LINGO2: variants seen among roughly 807,000 people sequenced by gnomAD.
LINGO2 encodes leucine-rich repeat and immunoglobulin-like domain-containing nogo receptor-interacting protein 2.
In LINGO2, 14 loss-of-function variants were observed where a neutral mutation model predicts 30.6. That is an observed-to-expected ratio of 0.46 (90% CI 0.30 to 0.72). The LOEUF (loss-of-function observed/expected upper bound fraction) is 0.72, where lower values mean the gene tolerates loss of function less well. Among genes scored for constraint, LINGO2 ranks in the 30% least tolerant of loss-of-function variants. LINGO2 has a pLI of 0.07. For synonymous variants in LINGO2, 317 were observed against 288.5 expected (o/e 1.10, Z -1.00); for missense variants, 729 against 751.7 (o/e 0.97, Z 0.35).
chr9:28,023,196 T>C (rs1324802519), intron 4 of LINGO2, among the ~76,000 whole-genome samples: 2 of 152,162 alleles, frequency 1.3e-5, no homozygotes, highest in Non-Finnish European at 1.5e-5. Context: ...CTTCAGACTT[T>C]TTTCTTGTTT....
At chr9:28,252,830 A>G (rs1822252628) in intron 4 of LINGO2, among the ~76,000 whole-genome samples, 1 of 152,038 alleles carries the variant, frequency 6.6e-6, no homozygotes, top group South Asian at 2.1e-4. Context: ...GGTCTTCTGG[A>G]TTTAATTATG....
chr9:28,260,176 C>A (rs1305135687), intron 4 of LINGO2, among the ~76,000 whole-genome samples: 1 of 151,464 alleles, frequency 6.6e-6, no homozygotes, highest in African/African-American at 2.4e-5. Context: ...GTCAGTTGTC[C>A]TATGCATAAC....
At chr9:28,490,199 C>T (rs1447954318) in intron 1 of LINGO2, among the ~76,000 whole-genome samples, 2 of 152,086 alleles carry the variant, frequency 1.3e-5, no homozygotes, top group Admixed American at 1.3e-4. Context: ...AACAAGTAAA[C>T]TTCAAGTTCC....
At chr9:28,091,647 C>G (rs1052427994) in intron 4 of LINGO2, among the ~76,000 whole-genome samples, 2 of 152,084 alleles carry the variant, frequency 1.3e-5, no homozygotes, top group Non-Finnish European at 2.9e-5. Flanking sequence ...TGGGCAAGGA[C>G]TTCATGTCTA....
chr9:28,495,799 G>A (rs1471340053), intron 1 of LINGO2, among the ~76,000 whole-genome samples: 2 of 152,144 alleles, frequency 1.3e-5, no homozygotes, highest in Non-Finnish European at 2.9e-5. Context: ...GGCATTTAGT[G>A]CTATAAATTT....
chr9:28,211,023 G>T (rs1820571743), intron 4 of LINGO2, among the ~76,000 whole-genome samples: 1 of 151,422 alleles, frequency 6.6e-6, no homozygotes, highest in African/African-American at 2.4e-5. Context: ...TACTTTTCAT[G>T]TAAGTTGATT....
chr9:28,497,141 A>C (rs1819666119), intron 1 of LINGO2, among the ~76,000 whole-genome samples: 1 of 151,968 alleles, frequency 6.6e-6, no homozygotes, highest in Admixed American at 6.5e-5. Flanking sequence ...TGTTTCTTAG[A>C]GTTGCTCTTC....
the LINGO2 span, among the ~76,000 whole-genome samples, chr9:29,169,580 A>C: frequency 0.051 from 7,730 of 152,290 alleles, 250 homozygotes; most frequent in Admixed American, 0.083. Context: ...CCACAGTAAG[A>C]TACTATCTCA....
At chr9:28,941,153 C>T in the LINGO2 span, among the ~76,000 whole-genome samples, 2 of 152,066 alleles carry the variant, frequency 1.3e-5, no homozygotes, top group African/African-American at 4.8e-5. Context: ...GTAAAATTCT[C>T]TTGAAAGTTC....
intron 3 of LINGO2, among the ~76,000 whole-genome samples, chr9:28,345,828 GAGGA>G (rs1239569131): frequency 6.6e-6 from 1 of 152,120 alleles, no homozygotes; most frequent in Non-Finnish European, 1.5e-5. Context: ...TAGTGACAAT[GAGGA>G]AGGATTAGTT....
the LINGO2 span, among the ~76,000 whole-genome samples, chr9:29,001,977 C>A: frequency 6.6e-6 from 1 of 151,988 alleles, no homozygotes; most frequent in African/African-American, 2.4e-5. Flanking sequence ...AGGTTTTCCA[C>A]ACAGGTATTA....
chr9:27,965,095 T>C (rs1038678853), intron 5 of LINGO2, among the ~76,000 whole-genome samples: 1 of 151,932 alleles, frequency 6.6e-6, no homozygotes, highest in Non-Finnish European at 1.5e-5. Flanking sequence ...GAAGTCATGA[T>C]GTGTCTTTAA....
At chr9:28,840,146 G>T in the LINGO2 span, among the ~76,000 whole-genome samples, 1 of 151,856 alleles carries the variant, frequency 6.6e-6, no homozygotes, top group South Asian at 2.1e-4. Flanking sequence ...GGGCTTCCCT[G>T]AGAGCACGGA....
At chr9:28,867,336 T>C in the LINGO2 span, among the ~76,000 whole-genome samples, 1 of 152,240 alleles carries the variant, frequency 6.6e-6, no homozygotes, top group East Asian at 1.9e-4. Flanking sequence ...TTTTCTCCCT[T>C]TTCTCATAAA....
chr9:28,172,038 A>AAC, intron 4 of LINGO2, among the ~76,000 whole-genome samples: 1 of 140,006 alleles, frequency 7.1e-6, no homozygotes, highest in Non-Finnish European at 1.5e-5. Context: ...AAAAAACAAA[A>AAC]AAAAAAACCC....
chr9:28,828,950 C>T, the LINGO2 span, among the ~76,000 whole-genome samples: 2 of 152,112 alleles, frequency 1.3e-5, no homozygotes, highest in Non-Finnish European at 2.9e-5. Flanking sequence ...AAGGCCCCAC[C>T]CTCAAGCCTG....
chr9:28,919,306 C>A, the LINGO2 span, among the ~76,000 whole-genome samples: 1 of 152,112 alleles, frequency 6.6e-6, no homozygotes, highest in East Asian at 1.9e-4. Flanking sequence ...ATGATGACAA[C>A]TGGGGACACA....
Position 28,657,070 on chromosome 9 carries a change from A to G in LINGO2, c.-365+13130T>C, listed in dbSNP as rs368389497. ...TGTTTGAAGATAACCATACATAAAG[A>G]CTTGATCCAAAACCATTCAACTAAA... On this transcript the variant is annotated intron_variant, in intron 1 of 5. Coordinates refer to ENST00000379992, the Ensembl canonical transcript of LINGO2. 3.5e-4 allele frequency among the ~76,000 whole-genome samples: 53 copies of G among 152,214 alleles called. 3 individuals carry two copies. The South Asian group carries it at 0.011, about 31-fold the overall frequency.
At chr9:28,762,538 C>A in the LINGO2 span, among the ~76,000 whole-genome samples, 1 of 151,998 alleles carries the variant, frequency 6.6e-6, no homozygotes, top group Non-Finnish European at 1.5e-5. Flanking sequence ...GGTGTACACA[C>A]AAGTAACAAT....
Sources: allele counts gnomAD v4.1 joint callset (sites outside exome capture counted in the v4.1 genomes callset), GRCh38; gene constraint gnomAD v4.1.1; transcripts MANE v1.5; gene names NCBI Gene and HGNC (gene_info 2026-07-23, HGNC 2026-07-21).